Variants in MFSD2B observed in about 807,000 individuals in gnomAD.
MFSD2B encodes MFSD2 lysolipid transporter B, sphingolipid.
In MFSD2B, 56 loss-of-function variants were observed where a neutral mutation model predicts 58.4. The observed-to-expected ratio is 0.96, with a 90% CI of 0.77 to 1.20. The LOEUF (loss-of-function observed/expected upper bound fraction) is 1.20, where lower values mean the gene tolerates loss of function less well. MFSD2B is among the 50% of genes most tolerant of loss of function. The pLI, the probability that MFSD2B is intolerant of heterozygous loss-of-function variation, is 0.00. For missense variants in MFSD2B, 645 were observed against 667.6 expected (o/e 0.97, Z 0.37); for synonymous variants, 287 against 294.4 (o/e 0.97, Z 0.26).
intron 1 of MFSD2B, 41 bp downstream of exon 1, chr2:24,010,233 G>A: frequency 1.5e-6 from 2 of 1,327,188 alleles, no homozygotes; most frequent in Non-Finnish European, 1.9e-6. Context: ...CTGCGTCCTC[G>A]GGGAGCTCCA....
intron 3 of MFSD2B, 69 bp downstream of exon 3, chr2:24,016,349 C>T: frequency 6.5e-7 from 1 of 1,527,814 alleles, no homozygotes; most frequent in East Asian, 2.3e-5. Flanking sequence ...TTTGTCACAG[C>T]CCTATTTCCT....
At chr2:24,018,792 C>A in intron 6 of MFSD2B, 1 of 164,356 alleles carries the variant, frequency 6.1e-6, no homozygotes, top group Non-Finnish European at 1.3e-5. Context: ...CCCTCCGCAG[C>A]CTTCATGTAG....
chr2:24,024,431 C>A lies in MFSD2B; in HGVS notation c.1490+160C>A. 1 of 710,216 alleles carries A rather than the reference C, an allele frequency of 1.4e-6. No homozygotes were observed. The highest frequency in any genetic ancestry group is 2.3e-6 in the Non-Finnish European group (1 of 436,382). The allele number at this position is 710,216 out of a possible 1,614,324, so 44.0% of individuals were successfully genotyped here. A position where few individuals can be genotyped will look rare whatever the true frequency, so the allele number is the denominator to read the frequency against. Reference sequence around the variant, plus strand: ...ACCCTTTTCTCCTGGATTTTCTTCTCCCACTCTGGCCACCCCTTCTCAGTC... The same window carrying A: ...ACCCTTTTCTCCTGGATTTTCTTCTACCACTCTGGCCACCCCTTCTCAGTC... On this transcript the variant is annotated intron_variant, in intron 13 of 13. Coordinates refer to ENST00000338315, the MANE Select transcript of MFSD2B (RefSeq NM_001346880.2). The surrounding 1 kb of genome is among the most constrained non-coding windows in gnomAD (Gnocchi z 4.3).
chr2:24,025,437 C>A lies in MFSD2B; in HGVS notation c.1496C>A (p.Thr499Asn). Residue 499 changes from threonine to asparagine, a missense_variant, in exon 14 of 14, where the codon ACC becomes AAC. Thr to Asn is a moderately conservative substitution (Grantham distance 65). Transcript: ENST00000338315. ...ASSRLSLRRR[T>N]SYSLA ...GCTTCCTTCCCTTCCCACAGGAGGACCAGCTACAGCCTGGCCTAAAGCTTA... is the reference window on the plus strand; with the variant it reads ...GCTTCCTTCCCTTCCCACAGGAGGAACAGCTACAGCCTGGCCTAAAGCTTA... 4 of 1,536,120 alleles carry A rather than the reference C, an allele frequency of 2.6e-6. No individual in the cohort carries two copies. Among genetic ancestry groups the A allele is most frequent in the African/African-American group, 1.4e-5 (1 of 73,164 alleles).
In MFSD2B at chr2:24,017,173, G is replaced by C; in HGVS notation, c.472-113G>C. The C allele has an allele frequency of 7.7e-7, 1 of 1,301,798 alleles. No individual in the cohort carries two copies. Among genetic ancestry groups the C allele is most frequent in the Non-Finnish European group, 1.1e-6 (1 of 943,354 alleles). 80.6% of individuals were successfully genotyped at this position (1,301,798 alleles called of 1,614,324 possible). On this transcript the variant is annotated intron_variant, in intron 4 of 13. Transcript: ENST00000338315. This position sits in a 1 kb window ranked among gnomAD's most constrained non-coding sequence, Gnocchi z 4.8. ...TAGCTCCGACTTCAGGTGGCCAGCT[G>C]GGATATGTCACGTTGGCCTGTGGGT...
In MFSD2B at chr2:24,021,811, A is replaced by G; in HGVS notation, c.773-38A>G. On this transcript the variant is annotated intron_variant, in intron 7 of 13. Transcript: ENST00000338315. This position sits in a 1 kb window ranked among gnomAD's most constrained non-coding sequence, Gnocchi z 5.7. ...GCTTGGGGGCAGGTTTTGCTTTTGA[A>G]CTCTGCGAAGCCAAGGTGACACGCT... The G allele has an allele frequency of 6.2e-7, 1 of 1,612,980 alleles. No individual in the cohort carries two copies. Among genetic ancestry groups the G allele is most frequent in the Non-Finnish European group, 8.5e-7 (1 of 1,179,346 alleles).
At chr2:24,025,114 G>A (rs1209183239) in intron 13 of MFSD2B, among the ~76,000 whole-genome samples, 2 of 152,192 alleles carry the variant, frequency 1.3e-5, no homozygotes, top group Non-Finnish European at 2.9e-5. Context: ...CACATATCAT[G>A]CAGGCCCACG....
chr2:24,022,965 T>TG lies in MFSD2B; in HGVS notation c.1059+65dup. 6.6e-7 allele frequency: 1 copy of TG among 1,505,474 alleles called. No individual in the cohort carries two copies. Among genetic ancestry groups the TG allele is most frequent in the Admixed American group, 1.8e-5 (1 of 55,216 alleles). 93.3% of individuals were successfully genotyped at this position (1,505,474 alleles called of 1,614,324 possible). On this transcript the variant is annotated intron_variant, in intron 10 of 13. Transcript: ENST00000338315. This position sits in a 1 kb window ranked among gnomAD's most constrained non-coding sequence, Gnocchi z 4.5. ...AGGGGAGAGGTGAGCGAGGTGACCTTGGTGCCTGAGCCTCCTGGGGCCAGC... is the reference window on the plus strand; with the variant it reads ...AGGGGAGAGGTGAGCGAGGTGACCTTGGGTGCCTGAGCCTCCTGGGGCCAGC...
Position 24,017,667 on chromosome 2 carries a change from C to T in MFSD2B, c.681+79C>T, listed in dbSNP as rs987010790. 7.1e-7 allele frequency: 1 copy of T among 1,404,296 alleles called. No individual in the cohort carries two copies. Among genetic ancestry groups the T allele is most frequent in the South Asian group, 1.4e-5 (1 of 70,074 alleles). 87.0% of individuals were successfully genotyped at this position (1,404,296 alleles called of 1,614,324 possible). ...ACCTCCTTCCTCTAGGGCTGGTTCT[C>T]CCGTCCACACCACTTTGTTGTCTTT... On this transcript the variant is annotated intron_variant, in intron 6 of 13. Transcript: ENST00000338315. The surrounding 1 kb of genome is among the most constrained non-coding windows in gnomAD (Gnocchi z 4.8).
intron 1 of MFSD2B, chr2:24,013,076 CT>C (rs1709012353): frequency 4.9e-6 from 2 of 409,828 alleles, no homozygotes; most frequent in Admixed American, 4.0e-5. Flanking sequence ...AACTTCCCCC[CT>C]GGAAATGTTT....
At position 24,017,803 on chromosome 2, in the gene MFSD2B, C is replaced by T. The variant is rs1292747542; in HGVS notation, c.681+215C>T. 6.6e-6 allele frequency among the ~76,000 whole-genome samples: 1 copy of T among 152,194 alleles called. No individual in the cohort carries two copies. The highest frequency in any genetic ancestry group is 6.5e-5 in the Admixed American group (1 of 15,288). On this transcript the variant is annotated intron_variant, in intron 6 of 13. Transcript: ENST00000338315. The surrounding 1 kb of genome is among the most constrained non-coding windows in gnomAD (Gnocchi z 4.8). ...TGCCTCCTTCTGGGTTCCTTCTAGA[C>T]ATAAAATAGAATAGACACTGGGCCA...
chr2:24,017,163 G>T lies in MFSD2B; in HGVS notation c.472-123G>T. The T allele has an allele frequency of 7.8e-7, 1 of 1,282,484 alleles. No individual in the cohort carries two copies. The highest frequency in any genetic ancestry group is 2.5e-5 in the East Asian group (1 of 39,542). 79.4% of individuals were successfully genotyped at this position (1,282,484 alleles called of 1,614,324 possible). ...TTTGGGACCCTAGCTCCGACTTCAG[G>T]TGGCCAGCTGGGATATGTCACGTTG... On this transcript the variant is annotated intron_variant, in intron 4 of 13. Coordinates refer to ENST00000338315, the MANE Select transcript of MFSD2B (RefSeq NM_001346880.2). This position sits in a 1 kb window ranked among gnomAD's most constrained non-coding sequence, Gnocchi z 4.8.
chr2:24,024,393 T>A lies in MFSD2B; in HGVS notation c.1490+122T>A. ...AGTCCTGCCTCTGGGACCTCTTTCCTTAGCTCAGGGTCACCCTTTTCTCCT... is the reference window on the plus strand; with the variant it reads ...AGTCCTGCCTCTGGGACCTCTTTCCATAGCTCAGGGTCACCCTTTTCTCCT... On this transcript the variant is annotated intron_variant, in intron 13 of 13. Transcript: ENST00000338315. The surrounding 1 kb of genome is among the most constrained non-coding windows in gnomAD (Gnocchi z 4.3). The A allele has an allele frequency of 9.6e-7, 1 of 1,040,090 alleles. No homozygotes were observed. Among genetic ancestry groups the A allele is most frequent in the Non-Finnish European group, 1.4e-6 (1 of 727,394 alleles). 64.4% of individuals were successfully genotyped at this position (1,040,090 alleles called of 1,614,324 possible). A position where few individuals can be genotyped will look rare whatever the true frequency, so the allele number is the denominator to read the frequency against.
chr2:24,025,889 AATTTTTGT>A lies in MFSD2B; in HGVS notation c.*440_*447del, dbSNP rs1558328489. The A allele has an allele frequency of 6.1e-6, 1 of 162,660 alleles. No individual in the cohort carries two copies. Among genetic ancestry groups the A allele is most frequent in the Non-Finnish European group, 1.3e-5 (1 of 74,476 alleles). The allele number at this position is 162,660 out of a possible 1,614,324, so 10.1% of individuals were successfully genotyped here. On this transcript the variant is annotated 3_prime_UTR_variant, in exon 14 of 14. Transcript: ENST00000338315. The stretch of plus-strand genomic sequence containing the variant: ...CAGGTGCCCGCCACCACGCCCAGCT[AATTTTTGT>A]ATTTTTAGTAGAGACGGGGTTTCAC...
In MFSD2B at chr2:24,017,543, C is replaced by T. The variant is rs373990796; in HGVS notation, c.636C>T (p.Cys212=). 3.8e-3 allele frequency: 6,008 copies of T among 1,571,752 alleles called. 20 individuals are homozygous for T. The highest frequency in any genetic ancestry group is 4.7e-3 in the Non-Finnish European group (5,480 of 1,158,534). The change falls in exon 6 of 14, where the codon TGC becomes TGT. Residue 212 remains cysteine, a synonymous_variant. Transcript: ENST00000338315. The surrounding 1 kb of genome is among the most constrained non-coding windows in gnomAD (Gnocchi z 4.8). ...IVSGAHRPHR[C]EATATPGPVT... is the part of the protein sequence containing the mutation. ...CCGGCGCCCACAGACCCCACAGGTG[C>T]GAGGCCACTGCGACCCCGGGGCCAG...
intron 3 of MFSD2B, 34 bp from the exon 4 acceptor site, chr2:24,016,810 CG>C: frequency 1.9e-6 from 3 of 1,608,482 alleles, no homozygotes; most frequent in South Asian, 2.2e-5. Flanking sequence ...CTGTCTGGGT[CG>C]GGGGGCCGCT....
chr2:24,021,499 G>A lies in MFSD2B; in HGVS notation c.682-149G>A. The A allele has an allele frequency of 1.5e-6, 1 of 670,496 alleles. No individual in the cohort carries two copies. Among genetic ancestry groups the A allele is most frequent in the Non-Finnish European group, 2.7e-6 (1 of 374,966 alleles). The allele number at this position is 670,496 out of a possible 1,614,324, so 41.5% of individuals were successfully genotyped here. On this transcript the variant is annotated intron_variant, in intron 6 of 13. Transcript: ENST00000338315. This position sits in a 1 kb window ranked among gnomAD's most constrained non-coding sequence, Gnocchi z 5.7. ...GGCCCGGAGAGCATGCTGTCCTGTG[G>A]GGTGATTGGGAGGTGGGGACCCAGC...
Position 24,023,838 on chromosome 2 carries a change from C to T in MFSD2B, c.1313+112C>T. On this transcript the variant is annotated intron_variant, in intron 12 of 13. Transcript: ENST00000338315. The surrounding 1 kb of genome is among the most constrained non-coding windows in gnomAD (Gnocchi z 5.0). ...CATCCATGAGCCTGGGGCCTAAGCGCTACTCTTTGGAGAGTGTGGGGAACC... is the reference window on the plus strand; with the variant it reads ...CATCCATGAGCCTGGGGCCTAAGCGTTACTCTTTGGAGAGTGTGGGGAACC... 7.5e-7 allele frequency: 1 copy of T among 1,332,112 alleles called. No homozygotes were observed. Among genetic ancestry groups the T allele is most frequent in the East Asian group, 2.3e-5 (1 of 43,302 alleles). 82.5% of individuals were successfully genotyped at this position (1,332,112 alleles called of 1,614,324 possible). A position where few individuals can be genotyped will look rare whatever the true frequency, so the allele number is the denominator to read the frequency against.
Position 24,022,874 on chromosome 2 carries a change from G to A in MFSD2B, c.1031G>A (p.Gly344Glu), listed in dbSNP as rs1374188258. Reference protein sequence around the residue: ...PLWEWVLQRFGKKTSAFGIFA... With the variant: ...PLWEWVLQRFEKKTSAFGIFA... The stretch of plus-strand genomic sequence containing the variant: ...TGGGAGTGGGTTCTCCAGCGCTTTG[G>A]GAAGAAGACGTCAGCCTTTGGGATC... Residue 344 changes from glycine to glutamate, a missense_variant, in exon 10 of 14, where the codon GGG becomes GAG. By Grantham distance (98) the Gly-to-Glu change is moderately conservative. Coordinates refer to ENST00000338315, the MANE Select transcript of MFSD2B (RefSeq NM_001346880.2). This position sits in a 1 kb window ranked among gnomAD's most constrained non-coding sequence, Gnocchi z 4.5. 1 of 1,611,318 alleles carries A rather than the reference G, an allele frequency of 6.2e-7. No individual in the cohort carries two copies. The highest frequency in any genetic ancestry group is 8.5e-7 in the Non-Finnish European group (1 of 1,178,886).
Sources: gnomAD v4.1 joint callset for allele counts (sites outside exome capture counted in the v4.1 genomes callset) on GRCh38, gnomAD v4.1.1 for gene constraint, Gnocchi (gnomAD v3.1) non-coding constraint, MANE v1.5 for transcripts, NCBI Gene and HGNC (gene_info 2026-07-23, HGNC 2026-07-21) for gene names.